Variants in PTPN4 observed in about 807,000 individuals in gnomAD.
PTPN4 encodes tyrosine-protein phosphatase non-receptor type 4.
PTPN4 carries 49 observed loss-of-function variants against 135.5 expected under a neutral mutation model. That is an observed-to-expected ratio of 0.36 (90% confidence interval 0.29 to 0.46). The LOEUF (loss-of-function observed/expected upper bound fraction) is 0.46, where lower values mean the gene tolerates loss of function less well. PTPN4 is among the 20% of genes least tolerant of loss of function. The pLI, the probability that PTPN4 is intolerant of heterozygous loss-of-function variation, is 1.00. For missense variants in PTPN4, 860 were observed against 1,101.0 expected (o/e 0.78, Z 3.10); for synonymous variants, 333 against 369.9 (o/e 0.90, Z 1.14).
In PTPN4 at chr2:119,984,318, C is replaced by G. The variant is rs1165589061; in HGVS notation, c.*7248C>G. On this transcript the variant is annotated 3_prime_UTR_variant, in exon 27 of 27. Coordinates refer to ENST00000263708, the MANE Select transcript of PTPN4 (RefSeq NM_002830.4). ...GATTTTTTTTTTCTTGTAACAGGTGCTATTTGTAAATATGAAGGGGAAAAG... is the reference window on the plus strand; with the variant it reads ...GATTTTTTTTTTCTTGTAACAGGTGGTATTTGTAAATATGAAGGGGAAAAG... 2.0e-5 allele frequency among the ~76,000 whole-genome samples: 3 copies of G among 151,650 alleles called. No homozygotes were observed. The highest frequency in any genetic ancestry group is 6.6e-5 in the Admixed American group (1 of 15,240).
At position 119,815,805 on chromosome 2, in the gene PTPN4, T is replaced by G. The variant is rs191963619; in HGVS notation, c.138+5814T>G. Among the ~76,000 whole-genome samples, 493 of 152,332 alleles carry G rather than the reference T, an allele frequency of 3.2e-3. 2 individuals carry two copies. The highest frequency in any genetic ancestry group is 0.011 in the African/African-American group (466 of 41,570). ...GATTCTATTTAGAAAGATTTTCAGCTTGGTTTTCCTTCTCTGGAAATTACA... is the reference window on the plus strand; with the variant it reads ...GATTCTATTTAGAAAGATTTTCAGCGTGGTTTTCCTTCTCTGGAAATTACA... On this transcript the variant is annotated intron_variant, in intron 2 of 26. Transcript: ENST00000263708.
intron 3 of PTPN4, among the ~76,000 whole-genome samples, chr2:119,875,708 CAG>C (rs1307917022): frequency 2.0e-5 from 3 of 152,034 alleles, no homozygotes; most frequent in Non-Finnish European, 4.4e-5. Context: ...TATTTTGAGA[CAG>C]GGGATTACAG....
chr2:119,876,656 A>G (rs753539480), intron 3 of PTPN4, among the ~76,000 whole-genome samples: 1 of 152,056 alleles, frequency 6.6e-6, no homozygotes, highest in Non-Finnish European at 1.5e-5. Flanking sequence ...ATTCAGTCCT[A>G]ATTGTCCAGA....
intron 10 of PTPN4, among the ~76,000 whole-genome samples, chr2:119,908,279 T>A (rs1678518293): frequency 6.6e-6 from 1 of 152,000 alleles, no homozygotes; most frequent in Non-Finnish European, 1.5e-5. Context: ...AAATTGACAT[T>A]TCTCAGAAAA....
chr2:119,882,188 CTG>C (rs764578175), intron 7 of PTPN4, 39 bp downstream of exon 7: 1 of 1,550,410 alleles, frequency 6.4e-7, no homozygotes, highest in Non-Finnish European at 8.9e-7. Flanking sequence ...TAGCATATAA[CTG>C]TGGTTTGTGT....
chr2:119,820,466 C>T (rs949214396), intron 2 of PTPN4, among the ~76,000 whole-genome samples: 2 of 152,162 alleles, frequency 1.3e-5, no homozygotes, highest in African/African-American at 2.4e-5. Context: ...TCACTGCTTC[C>T]CCTGGGTAAT....
At chr2:119,894,461 A>G (rs889619828) in intron 9 of PTPN4, among the ~76,000 whole-genome samples, 2 of 152,228 alleles carry the variant, frequency 1.3e-5, no homozygotes, top group African/African-American at 4.8e-5. Flanking sequence ...GAAAGCATAA[A>G]TAGGTCACTA....
intron 14 of PTPN4, among the ~76,000 whole-genome samples, chr2:119,933,590 A>G (rs368856084): frequency 6.6e-6 from 1 of 151,260 alleles, no homozygotes; most frequent in East Asian, 1.9e-4. Context: ...GCTAGAACCC[A>G]GGAGGAAGAG....
At chr2:119,921,006 C>G (rs759685341) in intron 12 of PTPN4, among the ~76,000 whole-genome samples, 1 of 152,118 alleles carries the variant, frequency 6.6e-6, no homozygotes, top group Admixed American at 6.5e-5. Flanking sequence ...CTTGGCCAGT[C>G]GCAATGGCTC....
chr2:119,797,882 T>C (rs1691291909), intron 1 of PTPN4, among the ~76,000 whole-genome samples: 1 of 152,160 alleles, frequency 6.6e-6, no homozygotes, highest in South Asian at 2.1e-4. Context: ...AAGCGCTTCT[T>C]CTTTTTTTGT....
chr2:119,846,534 A>G (rs112198935), intron 2 of PTPN4, among the ~76,000 whole-genome samples: 2 of 149,628 alleles, frequency 1.3e-5, no homozygotes, highest in African/African-American at 4.9e-5. Flanking sequence ...TTTCTTTAGC[A>G]GCATATACTT....
intron 2 of PTPN4, among the ~76,000 whole-genome samples, chr2:119,822,181 C>T (rs1311947278): frequency 6.6e-6 from 1 of 152,068 alleles, no homozygotes; most frequent in African/African-American, 2.4e-5. Context: ...CCTTCCTTTC[C>T]CATTTTTAGC....
At chr2:119,881,666 G>A in intron 5 of PTPN4, 120 bp from the exon 6 acceptor site, 1 of 665,918 alleles carries the variant, frequency 1.5e-6, no homozygotes. Flanking sequence ...GTTTTAATAT[G>A]TAAATTATAA....
At chr2:119,848,255 G>A (rs1440471551) in intron 2 of PTPN4, among the ~76,000 whole-genome samples, 3 of 147,496 alleles carry the variant, frequency 2.0e-5, no homozygotes, top group Non-Finnish European at 3.0e-5. Flanking sequence ...CTCACTGCAA[G>A]CTCCGCCTCC....
chr2:119,760,527 A>G, intron 1 of PTPN4, 143 bp downstream of exon 1: 2 of 379,978 alleles, frequency 5.3e-6, no homozygotes, highest in Non-Finnish European at 9.3e-6. Context: ...GGAAAAAAGG[A>G]CAAAAACAAA....
At chr2:119,922,211 TC>T (rs1678746509) in intron 12 of PTPN4, among the ~76,000 whole-genome samples, 1 of 115,416 alleles carries the variant, frequency 8.7e-6, no homozygotes, top group African/African-American at 3.5e-5. Flanking sequence ...TCAAGGACAA[TC>T]TGATTTAAAA....
At chr2:119,777,030 T>G (rs1205585842) in intron 1 of PTPN4, among the ~76,000 whole-genome samples, 1 of 152,228 alleles carries the variant, frequency 6.6e-6, no homozygotes, top group Non-Finnish European at 1.5e-5. Context: ...TTTCTTAGAG[T>G]AAAAGCTAAA....
chr2:119,810,494 G>A (rs1691557698), intron 2 of PTPN4, among the ~76,000 whole-genome samples: 1 of 152,168 alleles, frequency 6.6e-6, no homozygotes, highest in Non-Finnish European at 1.5e-5. Context: ...TGTGTTAACA[G>A]TAGTTAGTTC....
chr2:119,932,989 C>T (rs990668214), intron 14 of PTPN4, among the ~76,000 whole-genome samples: 1 of 152,104 alleles, frequency 6.6e-6, no homozygotes, highest in Non-Finnish European at 1.5e-5. Flanking sequence ...GGCTTCAGCA[C>T]GTTCTATGGC....
Sources: gnomAD v4.1 joint callset for allele counts (sites outside exome capture counted in the v4.1 genomes callset) on GRCh38, gnomAD v4.1.1 for gene constraint, MANE v1.5 for transcripts, NCBI Gene and HGNC (gene_info 2026-07-23, HGNC 2026-07-21) for gene names.